SLCO1B3: variants seen among roughly 807,000 people sequenced by gnomAD.
SLCO1B3 encodes solute carrier organic anion transporter family member 1B3.
A neutral mutation model predicts 71.8 loss-of-function variants in SLCO1B3; 72 were observed. The ratio of observed to expected loss-of-function variants is 1.00; its 90% confidence interval spans 0.83 to 1.22. The LOEUF (loss-of-function observed/expected upper bound fraction) is 1.22. SLCO1B3 is among the 50% of genes most tolerant of loss of function. The probability of loss-of-function intolerance (pLI) is 0.00; values close to 1 mark genes in which losing one functional copy is unlikely to be tolerated. For synonymous variants in SLCO1B3, 298 were observed against 278.4 expected (o/e 1.07, Z -0.70); for missense variants, 911 against 819.7 (o/e 1.11, Z -1.36).
At chr12:20,874,031 T>C (rs1024265562) in intron 8 of SLCO1B3, among the ~76,000 whole-genome samples, 6 of 152,172 alleles carry the variant, frequency 3.9e-5, no homozygotes, top group Non-Finnish European at 8.8e-5. Flanking sequence ...GTTGGTTCCA[T>C]GATTTTGCTA....
At chr12:20,861,193 T>C (rs1250089114) in intron 6 of SLCO1B3, 55 bp downstream of exon 6, 2 of 1,454,212 alleles carry the variant, frequency 1.4e-6, no homozygotes, top group Non-Finnish European at 1.8e-6. Context: ...TTTAATCACG[T>C]CTATAAAGTT....
chr12:20,815,551 A>C (rs890047416), intron 2 of SLCO1B3, 123 bp from the exon 3 acceptor site: 6 of 484,348 alleles, frequency 1.2e-5, no homozygotes, highest in African/African-American at 9.8e-5. Flanking sequence ...TGGTCAGGAA[A>C]TAGCAGGCCC....
chr12:20,835,975 A>G (rs553163756), intron 3 of SLCO1B3, among the ~76,000 whole-genome samples: 1 of 152,328 alleles, frequency 6.6e-6, no homozygotes, highest in African/African-American at 2.4e-5. Flanking sequence ...TCACAATTTC[A>G]AATGGCAAGG....
intron 3 of SLCO1B3, among the ~76,000 whole-genome samples, chr12:20,820,505 C>T (rs375122563): frequency 2.6e-4 from 40 of 152,208 alleles, no homozygotes; most frequent in African/African-American, 8.7e-4. Flanking sequence ...AATGCCTGGC[C>T]ACTGAGGTTC....
intron 3 of SLCO1B3, among the ~76,000 whole-genome samples, chr12:20,852,211 A>T (rs1865039381): frequency 6.6e-6 from 1 of 152,182 alleles, no homozygotes; most frequent in Admixed American, 6.5e-5. Context: ...ATGGTGGTTC[A>T]TACCTGTATC....
chr12:20,870,122 G>A (rs1027369085), intron 8 of SLCO1B3, among the ~76,000 whole-genome samples: 5 of 151,876 alleles, frequency 3.3e-5, no homozygotes, highest in South Asian at 4.2e-4. Flanking sequence ...TGTTCATTTC[G>A]ATACCTTCTT....
chr12:20,814,992 TTTTTGCA>T (rs1864168539), intron 2 of SLCO1B3, among the ~76,000 whole-genome samples: 1 of 145,346 alleles, frequency 6.9e-6, no homozygotes, highest in Non-Finnish European at 1.5e-5. Flanking sequence ...TTTTTTTTTT[TTTTTGCA>T]TTTTTCAACT....
Position 20,875,347 on chromosome 12 carries a change from G to C in SLCO1B3, c.840G>C (p.Pro280=). ...CTTCCATACCATTTTTTTTCTTGCCGAAAAATCCAAATAAACCACAAAAAG... is the reference window on the plus strand; with the variant it reads ...CTTCCATACCATTTTTTTTCTTGCCCAAAAATCCAAATAAACCACAAAAAG... The part of the protein sequence containing the change: ...IISSIPFFFL[P]KNPNKPQKER... Residue 280 remains proline, a synonymous_variant, in exon 9 of 16, where the codon CCG becomes CCC. Transcript: ENST00000381545. 1 of 1,611,404 alleles carries C rather than the reference G, an allele frequency of 6.2e-7. No individual in the cohort carries two copies. Among genetic ancestry groups the C allele is most frequent in the Non-Finnish European group, 8.5e-7 (1 of 1,179,206 alleles).
Position 20,837,066 on chromosome 12 carries a change from C to T in SLCO1B3, c.85-17962C>T, listed in dbSNP as rs189078757. 3.8e-3 allele frequency among the ~76,000 whole-genome samples: 584 copies of T among 152,130 alleles called. 2 individuals carry two copies. Among genetic ancestry groups the T allele is most frequent in the Non-Finnish European group, 6.2e-3 (423 of 67,982 alleles). On this transcript the variant is annotated intron_variant, in intron 3 of 15. Coordinates refer to ENST00000381545, the MANE Select transcript of SLCO1B3 (RefSeq NM_019844.4). ...AGATTGTTTATTTTGGGAAATTGGT[C>T]GATTTAATTTAGGTTATTATAATTG...
At chr12:20,837,502 T>C (rs1373631095) in intron 3 of SLCO1B3, among the ~76,000 whole-genome samples, 1 of 152,158 alleles carries the variant, frequency 6.6e-6, no homozygotes, top group Non-Finnish European at 1.5e-5. Flanking sequence ...CCACAAACTT[T>C]GATGAATTGT....
chr12:20,856,579 C>T (rs188258324), intron 4 of SLCO1B3, among the ~76,000 whole-genome samples: 136 of 152,064 alleles, frequency 8.9e-4, no homozygotes, highest in African/African-American at 3.2e-3. Flanking sequence ...TTTTGTTTTT[C>T]AAGGCAGAGT....
chr12:20,893,006 C>A (rs1044246224), intron 13 of SLCO1B3, among the ~76,000 whole-genome samples: 1 of 151,998 alleles, frequency 6.6e-6, no homozygotes, highest in African/African-American at 2.4e-5. Context: ...GCAATTATAA[C>A]AAAAGATCAT....
chr12:20,850,574 G>C (rs949730480), intron 3 of SLCO1B3, among the ~76,000 whole-genome samples: 1 of 152,150 alleles, frequency 6.6e-6, no homozygotes, highest in Non-Finnish European at 1.5e-5. Flanking sequence ...AAGCCACCAT[G>C]CCCGGCCGAT....
intron 3 of SLCO1B3, among the ~76,000 whole-genome samples, chr12:20,828,633 G>GCA (rs561409835): frequency 2.6e-3 from 378 of 147,272 alleles, no homozygotes; most frequent in African/African-American, 9.1e-3. Context: ...AAGCATAAAG[G>GCA]CACACACACA....
intron 5 of SLCO1B3, among the ~76,000 whole-genome samples, chr12:20,859,493 C>CCCCG (rs1418191069): frequency 2.8e-5 from 4 of 143,348 alleles, no homozygotes; most frequent in South Asian, 2.7e-4. Flanking sequence ...GTTTTTTTCC[C>CCCCG]CCTCTACATT....
chr12:20,901,309 G>A (rs1318335777), intron 14 of SLCO1B3, 41 bp from the exon 15 acceptor site: 1 of 1,195,102 alleles, frequency 8.4e-7, no homozygotes, highest in Non-Finnish European at 1.2e-6. Context: ...TACATTTGAA[G>A]CATTTCACTT....
chr12:20,857,055 TTGTC>T (rs1169018475), intron 4 of SLCO1B3, among the ~76,000 whole-genome samples: 3 of 152,200 alleles, frequency 2.0e-5, no homozygotes, highest in Admixed American at 6.5e-5. Flanking sequence ...AATTGATAAT[TTGTC>T]TGGGTATGGA....
At chr12:20,830,319 T>C (rs1515767) in intron 3 of SLCO1B3, among the ~76,000 whole-genome samples, 139,369 of 152,156 alleles carry the variant, frequency 0.92, 64,789 homozygotes, top group Non-Finnish European at 1. Flanking sequence ...TAAGGATGCA[T>C]GGGGGAGACA....
intron 13 of SLCO1B3, among the ~76,000 whole-genome samples, chr12:20,885,551 G>C (rs77964189): frequency 0.011 from 1,596 of 152,000 alleles, 19 homozygotes; most frequent in African/African-American, 0.035. Context: ...GAAAAAGTGG[G>C]GATAGGTAAG....
Sources: gnomAD v4.1 joint callset for allele counts (sites outside exome capture counted in the v4.1 genomes callset) on GRCh38, gnomAD v4.1.1 for gene constraint, MANE v1.5 for transcripts, NCBI Gene and HGNC (gene_info 2026-07-23, HGNC 2026-07-21) for gene names.